CCSER1: variants seen among roughly 807,000 people sequenced by gnomAD.
CCSER1 encodes the protein serine-rich coiled-coil domain-containing protein 1.
A neutral mutation model predicts 82.0 loss-of-function variants in CCSER1; 41 were observed. That is an observed-to-expected ratio of 0.50 (90% CI 0.39 to 0.65). The LOEUF is 0.65. CCSER1 is among the 30% of genes least tolerant of loss of function. CCSER1 has a pLI of 0.00. For synonymous variants in CCSER1, 414 were observed against 383.9 expected (o/e 1.08, Z -0.92); for missense variants, 1,119 against 1,064.2 (o/e 1.05, Z -0.72).
In CCSER1 at chr4:90,658,195, T is replaced by C. The variant is rs1233752259; in HGVS notation, c.1932+29963T>C. Reference sequence around the variant, plus strand: ...TCTGGCTTTTTCCTTTTTATTTATGTATTTATTTGATTCCATCTCCTTGTA... The same window carrying C: ...TCTGGCTTTTTCCTTTTTATTTATGCATTTATTTGATTCCATCTCCTTGTA... On this transcript the variant is annotated intron_variant, in intron 6 of 10. Transcript: ENST00000509176. Among the ~76,000 whole-genome samples, 3 of 152,158 alleles carry C rather than the reference T, an allele frequency of 2.0e-5. No homozygotes were observed. In the East Asian group the frequency reaches 5.8e-4, roughly 29 times the overall value.
intron 3 of CCSER1, among the ~76,000 whole-genome samples, chr4:90,327,618 C>T (rs573497587): frequency 5.3e-5 from 8 of 152,158 alleles, no homozygotes; most frequent in Non-Finnish European, 1.0e-4. Context: ...ATTTCATGTA[C>T]TTTAGCCATT....
chr4:90,914,583 A>G (rs7439319), intron 8 of CCSER1, among the ~76,000 whole-genome samples: 29 of 152,154 alleles, frequency 1.9e-4, no homozygotes, highest in Admixed American at 1.3e-3. Flanking sequence ...CAATTAAAAG[A>G]ACTAGAGAAG....
At chr4:90,313,924 A>G (rs753632929) in intron 3 of CCSER1, among the ~76,000 whole-genome samples, 2 of 152,176 alleles carry the variant, frequency 1.3e-5, no homozygotes, top group Non-Finnish European at 2.9e-5. Flanking sequence ...CTATCCATGC[A>G]TATATGTGAA....
chr4:91,100,531 G>T (rs1343631853), intron 10 of CCSER1, among the ~76,000 whole-genome samples: 2 of 152,062 alleles, frequency 1.3e-5, no homozygotes, highest in African/African-American at 4.8e-5. Flanking sequence ...ATTTTTAAAG[G>T]ATTTTACATT....
At chr4:91,391,404 G>GATCCTTGAACCTC (rs1220006945) in intron 10 of CCSER1, among the ~76,000 whole-genome samples, 1 of 152,116 alleles carries the variant, frequency 6.6e-6, no homozygotes, top group East Asian at 1.9e-4. Flanking sequence ...GGGCTCAAGT[G>GATCCTTGAACCTC]ATCCTTGAAC....
intron 5 of CCSER1, among the ~76,000 whole-genome samples, chr4:90,479,918 T>C (rs1765678711): frequency 1.3e-5 from 2 of 152,190 alleles, no homozygotes; most frequent in Non-Finnish European, 2.9e-5. Context: ...GGTCAAATGG[T>C]ATTTCTAGTT....
intron 10 of CCSER1, among the ~76,000 whole-genome samples, chr4:91,097,436 G>A (rs1724618345): frequency 1.3e-5 from 2 of 152,172 alleles, no homozygotes; most frequent in Non-Finnish European, 2.9e-5. Flanking sequence ...GCATGACTCA[G>A]ATCTCTTAAA....
chr4:90,553,437 A>G (rs1777762026), intron 5 of CCSER1, among the ~76,000 whole-genome samples: 1 of 152,248 alleles, frequency 6.6e-6, no homozygotes, highest in Non-Finnish European at 1.5e-5. Context: ...AGAAAAACTG[A>G]TAAATTACTT....
At chr4:91,129,028 G>A (rs1727760709) in intron 10 of CCSER1, among the ~76,000 whole-genome samples, 1 of 152,040 alleles carries the variant, frequency 6.6e-6, no homozygotes, top group African/African-American at 2.4e-5. Context: ...CTCAGTGAAA[G>A]CATGGCTTTA....
chr4:90,762,198 A>G (rs1580350564), intron 7 of CCSER1, among the ~76,000 whole-genome samples: 1 of 152,070 alleles, frequency 6.6e-6, no homozygotes, highest in African/African-American at 2.4e-5. Context: ...TTCTTGTGAT[A>G]GTAAGTGAGT....
intron 5 of CCSER1, among the ~76,000 whole-genome samples, chr4:90,522,343 C>G (rs1773237820): frequency 6.6e-6 from 1 of 152,128 alleles, no homozygotes; most frequent in Admixed American, 6.5e-5. Context: ...CTAATCAGAG[C>G]TGTTATGTGT....
At chr4:90,440,055 G>A (rs1038739123) in intron 4 of CCSER1, among the ~76,000 whole-genome samples, 1 of 151,922 alleles carries the variant, frequency 6.6e-6, no homozygotes, top group East Asian at 1.9e-4. Context: ...GCTGGATGGA[G>A]TACAGTGGCG....
chr4:90,983,621 A>T (rs1046225044), intron 9 of CCSER1, among the ~76,000 whole-genome samples: 1 of 151,744 alleles, frequency 6.6e-6, no homozygotes, highest in Non-Finnish European at 1.5e-5. Flanking sequence ...CAAGACTAAC[A>T]ATCCAAATTA....
At chr4:91,243,966 T>A (rs1481454793) in intron 10 of CCSER1, among the ~76,000 whole-genome samples, 1 of 152,086 alleles carries the variant, frequency 6.6e-6, no homozygotes, top group Non-Finnish European at 1.5e-5. Context: ...GCTCTTGGGG[T>A]CCCTAAGTCC....
chr4:91,388,057 A>T (rs987405072), intron 10 of CCSER1, among the ~76,000 whole-genome samples: 3 of 152,078 alleles, frequency 2.0e-5, no homozygotes, highest in South Asian at 2.1e-4. Context: ...AGAGAAAAAT[A>T]TCATTATTGA....
chr4:91,177,670 C>A (rs1357508543), intron 10 of CCSER1, among the ~76,000 whole-genome samples: 2 of 152,122 alleles, frequency 1.3e-5, no homozygotes, highest in Non-Finnish European at 1.5e-5. Flanking sequence ...GTGATATCCC[C>A]TTTAACATTT....
At chr4:91,077,333 A>G (rs1722106713) in intron 9 of CCSER1, among the ~76,000 whole-genome samples, 1 of 152,244 alleles carries the variant, frequency 6.6e-6, no homozygotes, top group Non-Finnish European at 1.5e-5. Context: ...TGCCAGGAAC[A>G]ATTCTACATC....
At chr4:90,373,039 A>G (rs763179051) in intron 3 of CCSER1, among the ~76,000 whole-genome samples, 4 of 152,028 alleles carry the variant, frequency 2.6e-5, no homozygotes, top group Non-Finnish European at 4.4e-5. Flanking sequence ...CCAACCATCC[A>G]TCTGTCCATT....
chr4:91,181,175 TG>T (rs368111641), intron 10 of CCSER1, among the ~76,000 whole-genome samples: 1,540 of 152,326 alleles, frequency 0.01, 13 homozygotes, highest in African/African-American at 0.025. Context: ...GGCCAGATTT[TG>T]GGGGGCCTGC....
Sources: allele counts gnomAD v4.1 joint callset (sites outside exome capture counted in the v4.1 genomes callset), GRCh38; gene constraint gnomAD v4.1.1; transcripts MANE v1.5; gene names NCBI Gene and HGNC (gene_info 2026-07-23, HGNC 2026-07-21).